Variants in THSD7A observed in about 807,000 individuals in gnomAD.
The protein encoded by THSD7A is thrombospondin type 1 domain containing 7A, also known as thrombospondin type-1 domain-containing protein 7A.
A neutral mutation model predicts 231.3 loss-of-function variants in THSD7A; 96 were observed. That is an observed-to-expected ratio of 0.41 (90% CI 0.35 to 0.49). The LOEUF (loss-of-function observed/expected upper bound fraction) is 0.49. Ranked by LOEUF, THSD7A falls within the 20% of genes least tolerant of loss-of-function variation. The pLI is 0.05. For missense variants in THSD7A, 2,290 were observed against 2,070.2 expected (o/e 1.11, Z -2.06); for synonymous variants, 940 against 743.3 (o/e 1.26, Z -4.30).
intron 2 of THSD7A, among the ~76,000 whole-genome samples, chr7:11,618,575 G>T (rs1182826324): frequency 6.6e-6 from 1 of 152,058 alleles, no homozygotes; most frequent in Non-Finnish European, 1.5e-5. Flanking sequence ...GCCGAGGCGG[G>T]CGGATCACGA....
chr7:11,540,873 A>G (rs1185367197), intron 6 of THSD7A, among the ~76,000 whole-genome samples: 1 of 152,216 alleles, frequency 6.6e-6, no homozygotes, highest in Non-Finnish European at 1.5e-5. Flanking sequence ...ACATTCCTAA[A>G]TAGTGGAGCC....
chr7:11,683,700 A>C (rs1783956871), intron 1 of THSD7A, among the ~76,000 whole-genome samples: 1 of 152,030 alleles, frequency 6.6e-6, no homozygotes, highest in African/African-American at 2.4e-5. Context: ...GAGTAGGCCA[A>C]TAATGAGTTA....
Position 11,429,040 on chromosome 7 carries a change from G to T in THSD7A, c.3150C>A (p.Ser1050=). Residue 1050 remains serine, a synonymous_variant, in exon 14 of 28, where the codon TCC becomes TCA. Coordinates refer to ENST00000423059, the MANE Select transcript of THSD7A (RefSeq NM_015204.3). ...AACGAACCTTCACACCACTCCCACA[G>T]GACTTGCTGCAGCGCGACCAGTTGG... ...EWSNWSRCSK[S]CGSGVKVRSK... 1 of 1,613,238 alleles carries T rather than the reference G, an allele frequency of 6.2e-7. No homozygotes were observed. The highest frequency in any genetic ancestry group is 1.3e-5 in the African/African-American group (1 of 75,028).
At chr7:11,693,906 C>T (rs187089615) in intron 1 of THSD7A, among the ~76,000 whole-genome samples, 130 of 151,508 alleles carry the variant, frequency 8.6e-4, no homozygotes, top group African/African-American at 3.1e-3. Flanking sequence ...TTACTTATTC[C>T]ATGACAATTC....
intron 1 of THSD7A, among the ~76,000 whole-genome samples, chr7:11,666,247 T>C (rs1783126313): frequency 6.6e-6 from 1 of 152,082 alleles, no homozygotes; most frequent in Admixed American, 6.6e-5. Context: ...TATAGTGAGA[T>C]ATCTTGGTGG....
At chr7:11,463,884 C>G (rs958379704) in intron 9 of THSD7A, among the ~76,000 whole-genome samples, 1 of 152,220 alleles carries the variant, frequency 6.6e-6, no homozygotes, top group African/African-American at 2.4e-5. Flanking sequence ...TTTTAAGGCC[C>G]AGGTGATAAA....
At chr7:11,577,628 T>C (rs575143377) in intron 4 of THSD7A, among the ~76,000 whole-genome samples, 1 of 151,298 alleles carries the variant, frequency 6.6e-6, no homozygotes, top group East Asian at 1.9e-4. Context: ...CTAAACCCTA[T>C]GTTTTTATGT....
chr7:11,665,696 A>G (rs1388631029), intron 1 of THSD7A, among the ~76,000 whole-genome samples: 1 of 152,110 alleles, frequency 6.6e-6, no homozygotes, highest in Non-Finnish European at 1.5e-5. Flanking sequence ...GTCTTGGACA[A>G]AGATTGGAGT....
At position 11,424,705 on chromosome 7, in the gene THSD7A, C is replaced by T. The variant is rs778773431; in HGVS notation, c.3374G>A (p.Arg1125Gln). ...RENCGEGVQT[R>Q]KVRCMQNTAD... is the part of the protein sequence containing the mutation. ...TTAGGCTTTGTCTTACCTCACTTTTCGGGTTTGCACGCCCTCTCCACAGTT... is the reference window on the plus strand; with the variant it reads ...TTAGGCTTTGTCTTACCTCACTTTTTGGGTTTGCACGCCCTCTCCACAGTT... The change falls in exon 16 of 28, where the codon CGA becomes CAA. Residue 1125 changes from arginine (R) to glutamine (Q), a missense_variant. Physicochemically the swap from Arg to Gln is conservative, Grantham distance 43 (BLOSUM62 1). Transcript: ENST00000423059. 2.3e-5 allele frequency: 37 copies of T among 1,613,750 alleles called. No homozygotes were observed. In the Admixed American group the frequency reaches 2.3e-4, roughly 10 times the overall value.
At position 11,831,576 on chromosome 7, in the gene THSD7A, C is replaced by T. The variant is rs949931052; in HGVS notation, c.190+181G>A. Among the ~76,000 whole-genome samples, 1 of 152,162 alleles carries T rather than the reference C, an allele frequency of 6.6e-6. No homozygotes were observed. Among genetic ancestry groups the T allele is most frequent in the African/African-American group, 2.4e-5 (1 of 41,446 alleles). ...TCACTGTTGCCTCTTAGTTGTTATG[C>T]TTTTCTTTCCTAATTGCATCGGACA... On this transcript the variant is annotated intron_variant, in intron 1 of 27. Transcript: ENST00000423059. This position sits in a 1 kb window ranked among gnomAD's most constrained non-coding sequence, Gnocchi z 5.0.
At chr7:11,812,686 T>C (rs1027297525) in intron 1 of THSD7A, among the ~76,000 whole-genome samples, 2 of 152,198 alleles carry the variant, frequency 1.3e-5, no homozygotes, top group African/African-American at 4.8e-5. Context: ...CTAATTTAAG[T>C]CTTGGAGACT....
chr7:11,739,930 A>C (rs889332385), intron 1 of THSD7A, among the ~76,000 whole-genome samples: 2 of 151,966 alleles, frequency 1.3e-5, no homozygotes, highest in African/African-American at 4.8e-5. Context: ...GGGTGTGTTA[A>C]CGTGCTAGCT....
intron 1 of THSD7A, among the ~76,000 whole-genome samples, chr7:11,757,935 T>G (rs55786242): frequency 6.7e-6 from 1 of 149,830 alleles, no homozygotes; most frequent in South Asian, 2.1e-4. Flanking sequence ...ATAATAATAA[T>G]AATGATTATA....
At position 11,375,060 on chromosome 7, in the gene THSD7A, CGTATT is replaced by C. The variant is rs1782208849; in HGVS notation, c.*729_*733del. 2 of 152,090 alleles carry C rather than the reference CGTATT, an allele frequency of 1.3e-5. No homozygotes were observed. Among genetic ancestry groups the C allele is most frequent in the South Asian group, 4.2e-4 (2 of 4,816 alleles). The allele number at this position is 152,090 out of a possible 1,614,324, so 9.4% of individuals were successfully genotyped here. A position where few individuals can be genotyped will look rare whatever the true frequency, so the allele number is the denominator to read the frequency against. On this transcript the variant is annotated 3_prime_UTR_variant, in exon 28 of 28. Coordinates refer to ENST00000423059, the MANE Select transcript of THSD7A (RefSeq NM_015204.3). Reference sequence around the variant, plus strand: ...GTTTGAAAATCAGGGAAAGTAGAAACGTATTGTATTAACACAAGTAAATTAGTTTT... The same window carrying C: ...GTTTGAAAATCAGGGAAAGTAGAAACGTATTAACACAAGTAAATTAGTTTT...
At chr7:11,418,012 C>G (rs147286060) in intron 16 of THSD7A, among the ~76,000 whole-genome samples, 1 of 152,240 alleles carries the variant, frequency 6.6e-6, no homozygotes, top group Admixed American at 6.5e-5. Flanking sequence ...TGCATTTATT[C>G]TTCTCAAGAA....
chr7:11,631,110 C>T (rs538709135), intron 2 of THSD7A, among the ~76,000 whole-genome samples: 1 of 152,284 alleles, frequency 6.6e-6, no homozygotes, highest in East Asian at 1.9e-4. Flanking sequence ...CTGTGTCTTG[C>T]CCTTCCCCCC....
In THSD7A at chr7:11,399,718, G is replaced by C. The variant is rs567873273; in HGVS notation, c.4411+2077C>G. Among the ~76,000 whole-genome samples the C allele has an allele frequency of 3.3e-5, 5 of 152,312 alleles. No homozygotes were observed. In the East Asian group the frequency reaches 7.7e-4, roughly 24 times the overall value. ...ACACTTTTACACTGTTGGTGGGACT[G>C]TAAACTAGTTCAGCTATCGTGGAAG... is the stretch of plus-strand genomic sequence containing the variant. On this transcript the variant is annotated intron_variant, in intron 23 of 27. Transcript: ENST00000423059.
At chr7:11,607,357 G>T (rs925717005) in intron 2 of THSD7A, among the ~76,000 whole-genome samples, 7 of 151,966 alleles carry the variant, frequency 4.6e-5, no homozygotes, top group African/African-American at 1.7e-4. Flanking sequence ...CTAAACTGCC[G>T]CCCTTGAATT....
At chr7:11,618,517 T>C (rs1212428571) in intron 2 of THSD7A, among the ~76,000 whole-genome samples, 1 of 151,916 alleles carries the variant, frequency 6.6e-6, no homozygotes, top group South Asian at 2.1e-4. Flanking sequence ...AGGAGAAGAA[T>C]AGGGCGGGGC....
Sources: allele counts gnomAD v4.1 joint callset (sites outside exome capture counted in the v4.1 genomes callset), GRCh38; gene constraint gnomAD v4.1.1; non-coding constraint Gnocchi (gnomAD v3.1); transcripts MANE v1.5; gene names NCBI Gene and HGNC (gene_info 2026-07-23, HGNC 2026-07-21).